The following KCNIP4 variants were observed in gnomAD, a reference collection of about 807,000 sequenced individuals.
KCNIP4 encodes potassium voltage-gated channel interacting protein 4.
In KCNIP4, 12 loss-of-function variants were observed where a neutral mutation model predicts 34.0. The ratio of observed to expected loss-of-function variants is 0.35; its 90% CI spans 0.23 to 0.57. KCNIP4 has a LOEUF of 0.57. Ranked by LOEUF, KCNIP4 falls within the 20% of genes least tolerant of loss-of-function variation. The pLI is 0.83. For synonymous variants in KCNIP4, 124 were observed against 102.2 expected (o/e 1.21, Z -1.29); for missense variants, 238 against 311.7 (o/e 0.76, Z 1.78).
At chr4:21,507,852 T>C (rs1733976448) in intron 1 of KCNIP4, among the ~76,000 whole-genome samples, 1 of 152,136 alleles carries the variant, frequency 6.6e-6, no homozygotes, top group Non-Finnish European at 1.5e-5. Flanking sequence ...TATTCTGAAG[T>C]TTGCTGGGCC....
chr4:20,734,572 A>C, intron 6 of KCNIP4, 56 bp downstream of exon 6: 1 of 835,798 alleles, frequency 1.2e-6, no homozygotes, highest in Non-Finnish European at 1.8e-6. Context: ...TAATATTTTA[A>C]AGTTAAGAAA....
At chr4:21,513,006 A>T (rs1052938887) in intron 1 of KCNIP4, among the ~76,000 whole-genome samples, 6 of 152,188 alleles carry the variant, frequency 3.9e-5, no homozygotes, top group Non-Finnish European at 8.8e-5. Context: ...GCTTGTGTGG[A>T]GTAAGCGGAA....
intron 1 of KCNIP4, among the ~76,000 whole-genome samples, chr4:21,826,421 C>T (rs1722678888): frequency 1.3e-5 from 2 of 152,160 alleles, no homozygotes; most frequent in Admixed American, 1.3e-4. Context: ...TAAATATTTC[C>T]TATACATTTC....
At chr4:21,752,187 A>G (rs1420194838) in intron 1 of KCNIP4, among the ~76,000 whole-genome samples, 1 of 152,124 alleles carries the variant, frequency 6.6e-6, no homozygotes, top group Non-Finnish European at 1.5e-5. Context: ...GAATGGATGC[A>G]TGGTCTATTT....
At chr4:21,894,502 G>A (rs1727271820) in intron 1 of KCNIP4, among the ~76,000 whole-genome samples, 1 of 151,988 alleles carries the variant, frequency 6.6e-6, no homozygotes, top group African/African-American at 2.4e-5. Context: ...CATCATTTGT[G>A]ACTCTCTGAG....
chr4:20,817,438 T>G (rs1022515716), intron 3 of KCNIP4, among the ~76,000 whole-genome samples: 1 of 152,182 alleles, frequency 6.6e-6, no homozygotes, highest in Admixed American at 6.6e-5. Flanking sequence ...CTGCTAGGCA[T>G]GGTCATGATC....
chr4:21,924,810 C>T (rs978224690), intron 1 of KCNIP4, among the ~76,000 whole-genome samples: 3 of 152,072 alleles, frequency 2.0e-5, no homozygotes, highest in Non-Finnish European at 4.4e-5. Context: ...TCCTCCCTCT[C>T]CTCTATCCTC....
At chr4:21,270,980 T>A in intron 1 of KCNIP4, among the ~76,000 whole-genome samples, 1 of 115,506 alleles carries the variant, frequency 8.7e-6, no homozygotes, top group Non-Finnish European at 1.7e-5. Flanking sequence ...ATCAAGTCCC[T>A]GTCCCCAAAA....
intron 1 of KCNIP4, among the ~76,000 whole-genome samples, chr4:21,292,004 C>G (rs1763552826): frequency 6.6e-6 from 1 of 151,592 alleles, no homozygotes; most frequent in Non-Finnish European, 1.5e-5. Context: ...TAGAAAATTC[C>G]GTCTATGTAT....
intron 2 of KCNIP4, among the ~76,000 whole-genome samples, chr4:20,876,518 A>G (rs1484055769): frequency 2.6e-5 from 4 of 152,268 alleles, no homozygotes; most frequent in Admixed American, 2.0e-4. Context: ...ATATCAATGT[A>G]CATTCACGAG....
Position 20,895,394 on chromosome 4 carries a change from C to T in KCNIP4, c.62-12685G>A, listed in dbSNP as rs541948452. ...AATAATGTGGTTTAGGAGAAAGCTG[C>T]ACTAGGAGATCCAATTTTTTCATCT... On this transcript the variant is annotated intron_variant, in intron 1 of 8. Transcript: ENST00000382152. 7.5e-4 allele frequency among the ~76,000 whole-genome samples: 114 copies of T among 152,182 alleles called. 2 individuals are homozygous for T. The South Asian group carries it at 0.023, about 30-fold the overall frequency.
At chr4:21,570,553 G>T (rs1427560632) in intron 1 of KCNIP4, among the ~76,000 whole-genome samples, 1 of 152,092 alleles carries the variant, frequency 6.6e-6, no homozygotes, top group Non-Finnish European at 1.5e-5. Context: ...GAGGACAGGA[G>T]CCTAGAACTG....
At chr4:21,043,059 A>G (rs1420850102) in intron 1 of KCNIP4, among the ~76,000 whole-genome samples, 2 of 152,170 alleles carry the variant, frequency 1.3e-5, no homozygotes, top group African/African-American at 2.4e-5. Flanking sequence ...ACCTGGAGGA[A>G]CATTCCATGT....
intron 1 of KCNIP4, among the ~76,000 whole-genome samples, chr4:21,589,249 T>C (rs1417892756): frequency 1.5e-5 from 2 of 130,758 alleles, no homozygotes; most frequent in South Asian, 2.5e-4. Context: ...CATATATACA[T>C]ATATGTATCT....
intron 1 of KCNIP4, among the ~76,000 whole-genome samples, chr4:21,406,431 A>T (rs533752217): frequency 6.6e-6 from 1 of 152,344 alleles, no homozygotes; most frequent in African/African-American, 2.4e-5. Context: ...AGCACTAGTA[A>T]CCACTGTGTT....
intron 1 of KCNIP4, among the ~76,000 whole-genome samples, chr4:21,214,297 G>A (rs570091309): frequency 6.6e-6 from 1 of 152,206 alleles, no homozygotes; most frequent in South Asian, 2.1e-4. Flanking sequence ...TCTCCTTCAG[G>A]AAATCCACAT....
chr4:21,088,659 C>A (rs1198932031), intron 1 of KCNIP4, among the ~76,000 whole-genome samples: 2 of 152,130 alleles, frequency 1.3e-5, no homozygotes, highest in Non-Finnish European at 2.9e-5. Context: ...TGAAACAGGC[C>A]TGGAATTACT....
At position 21,055,113 on chromosome 4, in the gene KCNIP4, T is replaced by A. The variant is rs571776630; in HGVS notation, c.62-172404A>T. The stretch of plus-strand genomic sequence containing the variant: ...TTAAAAAACATGTTAAAGACCATAA[T>A]AAGAAGCACCTCCCAAAAGAAGATA... On this transcript the variant is annotated intron_variant, in intron 1 of 8. Transcript: ENST00000382152. 3.3e-5 allele frequency among the ~76,000 whole-genome samples: 5 copies of A among 152,114 alleles called. No homozygotes were observed. The East Asian group carries it at 9.7e-4, about 29-fold the overall frequency.
At chr4:21,282,542 G>T (rs557870682) in intron 1 of KCNIP4, among the ~76,000 whole-genome samples, 156 of 150,834 alleles carry the variant, frequency 1.0e-3, no homozygotes, top group African/African-American at 3.7e-3. Context: ...TTTTAAAATT[G>T]GTATCTTTAC....
Sources: gnomAD v4.1 joint callset for allele counts (sites outside exome capture counted in the v4.1 genomes callset) on GRCh38, gnomAD v4.1.1 for gene constraint, MANE v1.5 for transcripts, NCBI Gene and HGNC (gene_info 2026-07-23, HGNC 2026-07-21) for gene names.